The following FRAS1 variants were observed in gnomAD, a reference collection of about 807,000 sequenced individuals.
FRAS1 encodes the protein Fraser extracellular matrix complex subunit 1.
In FRAS1, 290 loss-of-function variants were observed where a neutral mutation model predicts 435.2. That is an observed-to-expected ratio of 0.67 (90% CI 0.61 to 0.73). The LOEUF is 0.73. Ranked by LOEUF, FRAS1 falls within the 30% of genes least tolerant of loss-of-function variation. The pLI, the probability that FRAS1 is intolerant of heterozygous loss-of-function variation, is 0.00. For missense variants in FRAS1, 4,860 were observed against 5,001.5 expected, an observed-to-expected ratio of 0.97 and a Z score of 0.85; for synonymous variants, 1,800 against 1,851.0, an observed-to-expected ratio of 0.97 and a Z score of 0.71.
intron 14 of FRAS1, among the ~76,000 whole-genome samples, chr4:78,305,959 G>A (rs1170134654): frequency 3.3e-5 from 5 of 151,900 alleles, no homozygotes; most frequent in African/African-American, 7.3e-5. Flanking sequence ...TCTTAGTCTC[G>A]ATGGTCTTTA....
Position 78,518,580 on chromosome 4 carries a change from T to C in FRAS1, c.10390-751T>C, listed in dbSNP as rs577398770. ...AAGCTTCTGCTACCATTCTGTTATC[T>C]TTCCATCCAGTTTTGTTCATTACAT... On this transcript the variant is annotated intron_variant, in intron 66 of 73. Transcript: ENST00000512123. 3.9e-5 allele frequency among the ~76,000 whole-genome samples: 6 copies of C among 152,118 alleles called. No homozygotes were observed. In the East Asian group the frequency reaches 7.7e-4, roughly 20 times the overall value.
At chr4:78,059,027 G>T (rs1447522421) in intron 1 of FRAS1, among the ~76,000 whole-genome samples, 1 of 152,192 alleles carries the variant, frequency 6.6e-6, no homozygotes, top group African/African-American at 2.4e-5. Context: ...CCTGGCTCTC[G>T]GCTTCCCCTC....
Position 78,440,017 on chromosome 4 carries a change from CTTTTTTTTTT to C in FRAS1, c.5529+968_5529+977del, listed in dbSNP as rs1163344254. ...GAAAATTCATAAAACTAAGTCATTT[CTTTTTTTTTT>C]TTTTTTTTTTTTTTGAGACGGAGTC... On this transcript the variant is annotated intron_variant, in intron 40 of 73. Coordinates refer to ENST00000512123, the MANE Select transcript of FRAS1 (RefSeq NM_025074.7). Among the ~76,000 whole-genome samples the C allele has an allele frequency of 2.9e-4, 27 of 93,022 alleles. No individual in the cohort carries two copies. The East Asian group carries it at 7.3e-3, about 25-fold the overall frequency. The allele number at this position is 93,022 out of a possible 152,430, so 61.0% of individuals were successfully genotyped here. A position where few individuals can be genotyped will look rare whatever the true frequency, so the allele number is the denominator to read the frequency against.
chr4:78,200,440 C>T (rs181349789), intron 2 of FRAS1, among the ~76,000 whole-genome samples: 80 of 152,282 alleles, frequency 5.3e-4, no homozygotes, highest in Non-Finnish European at 8.8e-4. Context: ...CAAAGCAGCG[C>T]TGCTGATTAT....
chr4:78,206,567 T>C (rs1004435188), intron 2 of FRAS1, among the ~76,000 whole-genome samples: 2 of 152,254 alleles, frequency 1.3e-5, no homozygotes, highest in Non-Finnish European at 2.9e-5. Context: ...ATTGTTGTTA[T>C]ATTATTTCCC....
intron 40 of FRAS1, among the ~76,000 whole-genome samples, chr4:78,439,626 G>A (rs1285861949): frequency 1.3e-5 from 2 of 152,048 alleles, no homozygotes; most frequent in Admixed American, 6.5e-5. Context: ...TTTATTTTAT[G>A]TTTTGTTTCC....
chr4:78,465,727 T>G (rs1294736591), intron 49 of FRAS1, among the ~76,000 whole-genome samples: 1 of 152,048 alleles, frequency 6.6e-6, no homozygotes, highest in African/African-American at 2.4e-5. Flanking sequence ...TGGCATTTTG[T>G]TTTAAGTTGG....
chr4:78,061,085 G>C (rs1739741073), intron 1 of FRAS1, among the ~76,000 whole-genome samples: 1 of 152,146 alleles, frequency 6.6e-6, no homozygotes, highest in Non-Finnish European at 1.5e-5. Context: ...GACCTCAAGT[G>C]AACTGCCTGC....
chr4:78,481,746 C>G, intron 56 of FRAS1, 58 bp from the exon 57 acceptor site: 1 of 1,592,410 alleles, frequency 6.3e-7, no homozygotes, highest in Non-Finnish European at 8.6e-7. Context: ...ATTCTGAAAA[C>G]CTCGCTGATT....
At chr4:78,439,536 C>A (rs1210740781) in intron 40 of FRAS1, among the ~76,000 whole-genome samples, 1 of 152,220 alleles carries the variant, frequency 6.6e-6, no homozygotes, top group Non-Finnish European at 1.5e-5. Flanking sequence ...AGTGCCAGTT[C>A]TGTGACTCAT....
intron 2 of FRAS1, among the ~76,000 whole-genome samples, chr4:78,191,804 T>A (rs1722548484): frequency 1.3e-5 from 2 of 152,274 alleles, no homozygotes; most frequent in South Asian, 2.1e-4. Context: ...TGGTTTCTTG[T>A]CCTTGTGATA....
At chr4:78,342,261 G>A (rs1157487698) in intron 20 of FRAS1, among the ~76,000 whole-genome samples, 1 of 152,120 alleles carries the variant, frequency 6.6e-6, no homozygotes, top group Non-Finnish European at 1.5e-5. Context: ...ATTGTACTTA[G>A]CTGTTTAAAA....
At chr4:78,184,166 G>A (rs924507069) in intron 2 of FRAS1, among the ~76,000 whole-genome samples, 3 of 152,124 alleles carry the variant, frequency 2.0e-5, no homozygotes, top group African/African-American at 7.2e-5. Context: ...TGAAGTACAG[G>A]TAATTATACC....
intron 29 of FRAS1, among the ~76,000 whole-genome samples, chr4:78,400,442 G>T (rs1019887330): frequency 3.3e-5 from 5 of 152,202 alleles, no homozygotes; most frequent in Admixed American, 2.6e-4. Flanking sequence ...AGGATAGAAA[G>T]ACAGGTTGAT....
At chr4:78,091,617 G>A (rs911152168) in intron 2 of FRAS1, among the ~76,000 whole-genome samples, 4 of 31,018 alleles carry the variant, frequency 1.3e-4, no homozygotes, top group African/African-American at 2.8e-4. Flanking sequence ...ACATACACAC[G>A]TGTGTTTGTG....
At position 78,543,484 on chromosome 4, in the gene FRAS1, C is replaced by G. The variant is rs1722118673; in HGVS notation, c.*2360C>G. The G allele has an allele frequency of 6.6e-6, 1 of 152,224 alleles. No homozygotes were observed. The highest frequency in any genetic ancestry group is 1.5e-5 in the Non-Finnish European group (1 of 68,084). 9.4% of individuals were successfully genotyped at this position (152,224 alleles called of 1,614,324 possible). On this transcript the variant is annotated 3_prime_UTR_variant, in exon 74 of 74. Transcript: ENST00000512123. ...ACTAAAGACTGAGCCCCAGAGTGCTCCCAGCAACCGCCACGTACAAGGTCT... is the reference window on the plus strand; with the variant it reads ...ACTAAAGACTGAGCCCCAGAGTGCTGCCAGCAACCGCCACGTACAAGGTCT...
At chr4:78,099,820 G>A (rs1305358924) in intron 2 of FRAS1, among the ~76,000 whole-genome samples, 1 of 152,158 alleles carries the variant, frequency 6.6e-6, no homozygotes, top group African/African-American at 2.4e-5. Context: ...CATATTGAAT[G>A]GACCTCAAGT....
At chr4:78,260,890 G>A (rs113068309) in intron 6 of FRAS1, among the ~76,000 whole-genome samples, 2 of 152,072 alleles carry the variant, frequency 1.3e-5, no homozygotes, top group African/African-American at 4.8e-5. Flanking sequence ...TCTAGGTGAG[G>A]TATCTTTTTA....
In FRAS1 at chr4:78,379,663, G is replaced by A. The variant is rs78519982; in HGVS notation, c.3293-63G>A. ...GGTCTGAAAAAATAAACAAAATAAG[G>A]GGAAAGTGACCTAATTAGTGAAGGT... is the stretch of plus-strand genomic sequence containing the variant. On this transcript the variant is annotated intron_variant, in intron 26 of 73. Coordinates refer to ENST00000512123, the MANE Select transcript of FRAS1 (RefSeq NM_025074.7). 9.6e-4 allele frequency: 1,442 copies of A among 1,495,438 alleles called. 18 individuals carry two copies. In the African/African-American group the frequency reaches 0.018, roughly 19 times the overall value. The allele number at this position is 1,495,438 out of a possible 1,614,324, so 92.6% of individuals were successfully genotyped here.
Sources: gnomAD v4.1 joint callset for allele counts (sites outside exome capture counted in the v4.1 genomes callset) on GRCh38, gnomAD v4.1.1 for gene constraint, MANE v1.5 for transcripts, NCBI Gene and HGNC (gene_info 2026-07-23, HGNC 2026-07-21) for gene names.